SYNE2: variants seen among roughly 807,000 people sequenced by gnomAD.
SYNE2 encodes the protein nesprin-2.
SYNE2 carries 431 observed loss-of-function variants against 856.3 expected under a neutral mutation model. That is an observed-to-expected ratio of 0.50 (90% CI 0.47 to 0.55). SYNE2 has a LOEUF of 0.55. Ranked by LOEUF, SYNE2 falls within the 20% of genes least tolerant of loss-of-function variation. The pLI, the probability that SYNE2 is intolerant of heterozygous loss-of-function variation, is 0.00. For synonymous variants in SYNE2, 2,923 were observed against 2,872.3 expected (o/e 1.02, Z -0.56); for missense variants, 8,129 against 8,023.2 (o/e 1.01, Z -0.50).
chr14:64,189,444 C>T lies in SYNE2; in HGVS notation c.17872-627C>T, dbSNP rs1035105707. On this transcript the variant is annotated intron_variant, in intron 98 of 115. Coordinates refer to ENST00000555002, the MANE Select transcript of SYNE2 (RefSeq NM_182914.3). ...ACAGGGAAAAGTAATAACATTCTTG[C>T]TGTAGTCACCTAAAACACCACCCAG... Among the ~76,000 whole-genome samples, 6 of 152,222 alleles carry T rather than the reference C, an allele frequency of 3.9e-5. No individual in the cohort carries two copies. In the East Asian group the frequency reaches 1.2e-3, roughly 29 times the overall value.
chr14:64,038,181 C>T (rs1595052342), intron 45 of SYNE2, among the ~76,000 whole-genome samples: 2 of 149,498 alleles, frequency 1.3e-5, no homozygotes, highest in Admixed American at 6.6e-5. Flanking sequence ...GGGGCAGAGA[C>T]GCTCCCCACA....
rs781005281 is a variant in SYNE2, at chr14:64,122,423, C to CTCAGG, written c.13422+1_13422+5dup. Reference sequence around the variant, plus strand: ...CTCCCACTCCCTCAGCTTGTGGAGCCTCAGGTCAGTCTGTATCTACATGGT... The same window carrying CTCAGG: ...CTCCCACTCCCTCAGCTTGTGGAGCCTCAGGTCAGGTCAGTCTGTATCTACATGGT... On this transcript the variant is annotated frameshift_variant, in exon 70 of 116. Coordinates refer to ENST00000555002, the MANE Select transcript of SYNE2 (RefSeq NM_182914.3). LOFTEE classifies it high-confidence loss of function. 6.2e-7 allele frequency: 1 copy of CTCAGG among 1,614,030 alleles called. No homozygotes were observed.
chr14:63,935,489 T>C (rs1277186810), intron 2 of SYNE2, among the ~76,000 whole-genome samples: 2 of 152,192 alleles, frequency 1.3e-5, no homozygotes, highest in African/African-American at 4.8e-5. Context: ...TACTTCAAAA[T>C]TTTTCTAGAA....
intron 80 of SYNE2, 135 bp from the exon 81 acceptor site, chr14:64,141,206 A>AGG (rs2098136622): frequency 1.5e-6 from 1 of 668,228 alleles, no homozygotes; most frequent in Non-Finnish European, 2.5e-6. Flanking sequence ...AGTAGGAAAA[A>AGG]GGGGTGTGTG....
At chr14:63,838,353 CA>C (rs1566599413) in intron 1 of SYNE2, among the ~76,000 whole-genome samples, 3 of 152,108 alleles carry the variant, frequency 2.0e-5, no homozygotes, top group South Asian at 2.1e-4. Flanking sequence ...CAAAACAAAA[CA>C]AAAAAACTTT....
In SYNE2 at chr14:63,867,554, C is replaced by T. The variant is rs552843592; in HGVS notation, c.-52+14411C>T. On this transcript the variant is annotated intron_variant, in intron 1 of 115. Coordinates refer to ENST00000555002, the MANE Select transcript of SYNE2 (RefSeq NM_182914.3). ...CTCTACTAAAAATACAAAAATTAGC[C>T]AGGTGTGGTGGCACATACCTGTAGT... Among the ~76,000 whole-genome samples, 4 of 152,008 alleles carry T rather than the reference C, an allele frequency of 2.6e-5. No homozygotes were observed. In the South Asian group the frequency reaches 8.3e-4, roughly 32 times the overall value.
Position 64,089,645 on chromosome 14 carries a change from A to T in SYNE2, c.11742A>T (p.Leu3914Phe), listed in dbSNP as rs1036928299. 1 of 1,603,366 alleles carries T rather than the reference A, an allele frequency of 6.2e-7. No individual in the cohort carries two copies. Among genetic ancestry groups the T allele is most frequent in the Non-Finnish European group, 8.5e-7 (1 of 1,170,832 alleles). The change falls in exon 59 of 116, where the codon TTA becomes TTT. Residue 3914 changes from leucine to phenylalanine, a missense_variant. By Grantham distance (22) the Leu-to-Phe change is conservative. This residue lies in a region of SYNE2 where 5,410 missense variants were observed against 5,284.8 expected (regional missense o/e 1.02). Transcript: ENST00000555002. ...TTTCAAAAATCAAAACTATCCTATT[A>T]TCAAAAGAAATATTTGATTTTTCAC... The part of the protein sequence containing the change: ...KRVSKIKTIL[L>F]SKEIFDFSPE...
intron 1 of SYNE2, among the ~76,000 whole-genome samples, chr14:63,824,914 G>A (rs563913298): frequency 3.3e-5 from 5 of 151,768 alleles, no homozygotes; most frequent in Admixed American, 1.3e-4. Flanking sequence ...TGGGCGGATC[G>A]CGAGGTCAGG....
In SYNE2 at chr14:63,952,481, C is replaced by T. The variant is rs1472807492; in HGVS notation, c.591-2238C>T. Among the ~76,000 whole-genome samples, 3 of 152,198 alleles carry T rather than the reference C, an allele frequency of 2.0e-5. No individual in the cohort carries two copies. In the East Asian group the frequency reaches 5.8e-4, roughly 29 times the overall value. On this transcript the variant is annotated intron_variant, in intron 7 of 115. Coordinates refer to ENST00000555002, the MANE Select transcript of SYNE2 (RefSeq NM_182914.3). Reference sequence around the variant, plus strand: ...ATGGTAAAAGCCACAATTACTTTTGCACCCACCTAATGGTTTACCTTAGTC... The same window carrying T: ...ATGGTAAAAGCCACAATTACTTTTGTACCCACCTAATGGTTTACCTTAGTC...
At chr14:63,960,113 G>A (rs2096291006) in intron 8 of SYNE2, among the ~76,000 whole-genome samples, 1 of 152,150 alleles carries the variant, frequency 6.6e-6, no homozygotes, top group South Asian at 2.1e-4. Flanking sequence ...TTTTTATAAA[G>A]CAATATCTAA....
chr14:63,804,555 G>A (rs766239008), intron 1 of SYNE2, among the ~76,000 whole-genome samples: 9 of 151,892 alleles, frequency 5.9e-5, no homozygotes, highest in Non-Finnish European at 7.4e-5. Flanking sequence ...GTGCAATGGC[G>A]CGATCTTGGC....
intron 1 of SYNE2, among the ~76,000 whole-genome samples, chr14:63,788,647 G>T (rs910283886): frequency 6.6e-6 from 1 of 152,244 alleles, no homozygotes; most frequent in Non-Finnish European, 1.5e-5. Flanking sequence ...AACTCAGAAG[G>T]AGGGGGGTTC....
In SYNE2 at chr14:64,146,050, A is replaced by G; in HGVS notation, c.15484-18A>G. ...AACATACATTTTAACATTTTTTGTAATCTTTACATTCACTTAGATACAACA... is the reference window on the plus strand; with the variant it reads ...AACATACATTTTAACATTTTTTGTAGTCTTTACATTCACTTAGATACAACA... On this transcript the variant is annotated intron_variant, in intron 83 of 115. Coordinates refer to ENST00000555002, the MANE Select transcript of SYNE2 (RefSeq NM_182914.3). 1 of 1,505,544 alleles carries G rather than the reference A, an allele frequency of 6.6e-7. No individual in the cohort carries two copies. The highest frequency in any genetic ancestry group is 9.0e-7 in the Non-Finnish European group (1 of 1,113,242). 93.3% of individuals were successfully genotyped at this position (1,505,544 alleles called of 1,614,324 possible).
intron 92 of SYNE2, among the ~76,000 whole-genome samples, chr14:64,168,306 T>C (rs1002075611): frequency 2.6e-5 from 4 of 152,228 alleles, no homozygotes; most frequent in African/African-American, 7.2e-5. Flanking sequence ...GTTCACCATG[T>C]TGGCCAGGCT....
intron 90 of SYNE2, chr14:64,166,859 G>A (rs2098382540): frequency 3.8e-6 from 1 of 264,768 alleles, no homozygotes; most frequent in Non-Finnish European, 7.4e-6. Flanking sequence ...TTTGAACCCA[G>A]GAGGCGGAGG....
intron 99 of SYNE2, among the ~76,000 whole-genome samples, chr14:64,197,751 A>G (rs1381677930): frequency 6.6e-6 from 1 of 152,226 alleles, no homozygotes; most frequent in Non-Finnish European, 1.5e-5. Flanking sequence ...AGCCTTCATC[A>G]TACATTGTTA....
chr14:64,154,567 C>T (rs1299746898), intron 85 of SYNE2, among the ~76,000 whole-genome samples: 1 of 151,876 alleles, frequency 6.6e-6, no homozygotes, highest in Non-Finnish European at 1.5e-5. Context: ...CCAAGGTGGG[C>T]AGATCGCTTG....
chr14:64,067,757 A>G (rs1376181187), intron 51 of SYNE2, among the ~76,000 whole-genome samples: 1 of 152,196 alleles, frequency 6.6e-6, no homozygotes, highest in Non-Finnish European at 1.5e-5. Flanking sequence ...GTTTTCTTAA[A>G]CAGAATCTCT....
intron 2 of SYNE2, among the ~76,000 whole-genome samples, chr14:63,936,999 C>G (rs2095842095): frequency 6.6e-6 from 1 of 152,088 alleles, no homozygotes; most frequent in Non-Finnish European, 1.5e-5. Flanking sequence ...GGAGGAAAAT[C>G]AGGAGTCTGG....
Sources: gnomAD v4.1 joint callset for allele counts (sites outside exome capture counted in the v4.1 genomes callset) on GRCh38, gnomAD v4.1.1 for gene constraint, gnomAD v4.1.1 regional missense constraint, MANE v1.5 for transcripts, NCBI Gene and HGNC (gene_info 2026-07-23, HGNC 2026-07-21) for gene names.